The following SMURF2 variants were observed in gnomAD, a reference collection of about 807,000 sequenced individuals.
SMURF2 encodes the protein SMAD specific E3 ubiquitin protein ligase 2.
In SMURF2, 48 loss-of-function variants were observed where a neutral mutation model predicts 109.6. The ratio of observed to expected loss-of-function variants is 0.44; its 90% CI spans 0.35 to 0.56. SMURF2 has a LOEUF of 0.56. SMURF2 is among the 20% of genes least tolerant of loss of function. The pLI, the probability that SMURF2 is intolerant of heterozygous loss-of-function variation, is 0.01. For missense variants in SMURF2, 575 were observed against 909.0 expected, an observed-to-expected ratio of 0.63 and a Z score of 4.72; for synonymous variants, 288 against 317.1, an observed-to-expected ratio of 0.91 and a Z score of 0.97.
intron 8 of SMURF2, among the ~76,000 whole-genome samples, chr17:64,580,105 G>A (rs1429323994): frequency 4.6e-5 from 7 of 152,190 alleles, no homozygotes; most frequent in Admixed American, 2.0e-4. Context: ...TGTTAAGAGG[G>A]CAAAGATGTA....
chr17:64,554,964 T>C lies in SMURF2; in HGVS notation c.1640A>G (p.His547Arg). 1 of 1,613,786 alleles carries C rather than the reference T, an allele frequency of 6.2e-7. No individual in the cohort carries two copies. The highest frequency in any genetic ancestry group is 8.5e-7 in the Non-Finnish European group (1 of 1,179,818). Reference protein sequence around the residue: ...LENDITGVLDHTFCVEHNAYG... With the variant: ...LENDITGVLDRTFCVEHNAYG... ...TGCATTATGTTCAACACAGAAGGTA[T>C]GGTCCAAAACACCTGTAATATCATT... The change falls in exon 15 of 19, where the codon CAT becomes CGT. Residue 547 changes from histidine (H) to arginine (R), a missense_variant. Physicochemically the swap from His to Arg is conservative, Grantham distance 29. Transcript: ENST00000262435.
At chr17:64,605,519 T>C (rs1969956797) in intron 2 of SMURF2, among the ~76,000 whole-genome samples, 1 of 151,386 alleles carries the variant, frequency 6.6e-6, no homozygotes, top group South Asian at 2.1e-4. Flanking sequence ...GACCAGGAGT[T>C]TGAGACCAGC....
intron 1 of SMURF2, among the ~76,000 whole-genome samples, chr17:64,633,759 G>A (rs1361328092): frequency 6.6e-6 from 1 of 152,062 alleles, no homozygotes; most frequent in Non-Finnish European, 1.5e-5. Context: ...AACTTTAGAG[G>A]TAACTTATAA....
At position 64,581,088 on chromosome 17, in the gene SMURF2, C is replaced by A; in HGVS notation, c.570-97G>T. 1.9e-6 allele frequency: 2 copies of A among 1,077,860 alleles called. No homozygotes were observed. The highest frequency in any genetic ancestry group is 1.4e-5 in the South Asian group (1 of 69,250). 66.8% of individuals were successfully genotyped at this position (1,077,860 alleles called of 1,614,324 possible). ...ATATACTGCAGTAACAACCACTTATCATGTCTGAAAACAGAATGACTAATA... is the reference window on the plus strand; with the variant it reads ...ATATACTGCAGTAACAACCACTTATAATGTCTGAAAACAGAATGACTAATA... On this transcript the variant is annotated intron_variant, in intron 7 of 18. Transcript: ENST00000262435. The surrounding 1 kb of genome is among the most constrained non-coding windows in gnomAD (Gnocchi z 4.3).
rs1046678649 is a variant in SMURF2, at chr17:64,662,090, T to C, written c.-210A>G. The C allele has an allele frequency of 4.2e-4, 449 of 1,059,948 alleles. No homozygotes were observed. The African/African-American group carries it at 7.2e-3, about 17-fold the overall frequency. The allele number at this position is 1,059,948 out of a possible 1,614,324, so 65.7% of individuals were successfully genotyped here. A position where few individuals can be genotyped will look rare whatever the true frequency, so the allele number is the denominator to read the frequency against. ...CCCCCCTCCTCCCACTTCTCCTTCC[T>C]CGGCCCGGGCCGCACAACAAAGCGG... On this transcript the variant is annotated 5_prime_UTR_variant, in exon 1 of 19. Coordinates refer to ENST00000262435, the MANE Select transcript of SMURF2 (RefSeq NM_022739.4).
intron 4 of SMURF2, among the ~76,000 whole-genome samples, chr17:64,592,145 C>T (rs551948576): frequency 1.2e-4 from 18 of 152,328 alleles, no homozygotes; most frequent in African/African-American, 4.3e-4. Context: ...GCTCCCTTTG[C>T]CAGCAGGCCT....
chr17:64,648,087 A>G (rs1395748512), intron 1 of SMURF2, among the ~76,000 whole-genome samples: 1 of 144,716 alleles, frequency 6.9e-6, no homozygotes, highest in African/African-American at 2.7e-5. Context: ...AAAAAAAAAA[A>G]AAAAACAGGA....
At chr17:64,657,168 T>C (rs1970716053) in intron 1 of SMURF2, among the ~76,000 whole-genome samples, 1 of 152,106 alleles carries the variant, frequency 6.6e-6, no homozygotes, top group Admixed American at 6.6e-5. Flanking sequence ...GTGGGTTAGG[T>C]CTGGTACTAG....
chr17:64,566,298 T>G (rs1969299878), intron 10 of SMURF2, among the ~76,000 whole-genome samples: 1 of 151,914 alleles, frequency 6.6e-6, no homozygotes. Context: ...ATAAATTGTT[T>G]CACATATAAA....
intron 3 of SMURF2, among the ~76,000 whole-genome samples, chr17:64,594,685 T>C (rs1555687942): frequency 6.6e-6 from 1 of 152,132 alleles, no homozygotes; most frequent in African/African-American, 2.4e-5. Flanking sequence ...AAGCTGAACA[T>C]TTTTTAAAAA....
At chr17:64,595,449 T>C (rs1438815423) in intron 3 of SMURF2, among the ~76,000 whole-genome samples, 1 of 152,198 alleles carries the variant, frequency 6.6e-6, no homozygotes, top group Non-Finnish European at 1.5e-5. Context: ...AATTGAAAGT[T>C]AAATAGAGGG....
At chr17:64,606,536 A>G in intron 2 of SMURF2, 66 bp downstream of exon 2, 1 of 1,160,734 alleles carries the variant, frequency 8.6e-7, no homozygotes, top group Non-Finnish European at 1.2e-6. Context: ...TAAACCAGAG[A>G]ATTCTGAAAA....
At chr17:64,607,079 T>C (rs1377592381) in intron 1 of SMURF2, among the ~76,000 whole-genome samples, 4 of 151,496 alleles carry the variant, frequency 2.6e-5, no homozygotes, top group African/African-American at 9.7e-5. Context: ...TTCTTTTTTT[T>C]TTTTTTTAAA....
chr17:64,644,856 A>C lies in SMURF2; in HGVS notation c.52+16973T>G, dbSNP rs200800359. On this transcript the variant is annotated intron_variant, in intron 1 of 18. Coordinates refer to ENST00000262435, the MANE Select transcript of SMURF2 (RefSeq NM_022739.4). Reference sequence around the variant, plus strand: ...CTCTACTAAAAATATACATATACACAAAAATTAGCCAGGCATGGTGGCAGG... The same window carrying C: ...CTCTACTAAAAATATACATATACACCAAAATTAGCCAGGCATGGTGGCAGG... Among the ~76,000 whole-genome samples, 4 of 148,822 alleles carry C rather than the reference A, an allele frequency of 2.7e-5. No individual in the cohort carries two copies. In the East Asian group the frequency reaches 7.9e-4, roughly 30 times the overall value.
chr17:64,586,220 A>AT, intron 5 of SMURF2, 50 bp from the exon 6 acceptor site: 2 of 1,222,300 alleles, frequency 1.6e-6, no homozygotes, highest in South Asian at 2.9e-5. Context: ...AGAAAGAACT[A>AT]TTATAATCTA....
At chr17:64,568,708 TA>T (rs1252589866) in intron 10 of SMURF2, among the ~76,000 whole-genome samples, 1 of 151,830 alleles carries the variant, frequency 6.6e-6, no homozygotes, top group Admixed American at 6.6e-5. Flanking sequence ...ATATGCCCTT[TA>T]AAAAAACCCA....
In SMURF2 at chr17:64,581,010, G is replaced by A; in HGVS notation, c.570-19C>T. ...TGCCGGTCTATTGAAAATTAACAAG[G>A]AAAAGATGTTATCAATTTAGATATC... On this transcript the variant is annotated intron_variant, in intron 7 of 18. Coordinates refer to ENST00000262435, the MANE Select transcript of SMURF2 (RefSeq NM_022739.4). This position sits in a 1 kb window ranked among gnomAD's most constrained non-coding sequence, Gnocchi z 4.3. The A allele has an allele frequency of 1.2e-6, 2 of 1,610,592 alleles. No homozygotes were observed. Among genetic ancestry groups the A allele is most frequent in the Non-Finnish European group, 1.7e-6 (2 of 1,177,004 alleles).
chr17:64,586,846 T>G (rs1251177764), intron 5 of SMURF2, among the ~76,000 whole-genome samples: 2 of 151,202 alleles, frequency 1.3e-5, no homozygotes, highest in Non-Finnish European at 2.9e-5. Context: ...TAATTTGACT[T>G]TAATACTTGA....
chr17:64,639,551 T>C (rs1486101388), intron 1 of SMURF2, among the ~76,000 whole-genome samples: 1 of 152,014 alleles, frequency 6.6e-6, no homozygotes, highest in African/African-American at 2.4e-5. Flanking sequence ...CACTCCAGTC[T>C]GGGCGACAGA....
Sources: gnomAD v4.1 joint callset for allele counts (sites outside exome capture counted in the v4.1 genomes callset) on GRCh38, gnomAD v4.1.1 for gene constraint, Gnocchi (gnomAD v3.1) non-coding constraint, MANE v1.5 for transcripts, NCBI Gene and HGNC (gene_info 2026-07-23, HGNC 2026-07-21) for gene names.